The following ARB2A variants were observed in gnomAD, a reference collection of about 807,000 sequenced individuals.
ARB2A encodes the protein cotranscriptional regulator ARB2A.
the ARB2A span, among the ~76,000 whole-genome samples, chr5:93,874,623 C>T: frequency 6.6e-6 from 1 of 152,118 alleles, no homozygotes; most frequent in Admixed American, 6.5e-5. Flanking sequence ...GTGAGTCATT[C>T]TAGCAAGTTA....
the ARB2A span, chr5:94,053,149 C>A: frequency 6.3e-7 from 1 of 1,593,352 alleles, no homozygotes; most frequent in Non-Finnish European, 8.6e-7. Flanking sequence ...ATATTCAAAT[C>A]CTTCCAGGGT....
At chr5:93,927,537 GCT>G in the ARB2A span, among the ~76,000 whole-genome samples, 2 of 152,110 alleles carry the variant, frequency 1.3e-5, no homozygotes, top group Non-Finnish European at 2.9e-5. Flanking sequence ...TATAGGTCTT[GCT>G]CTCTGTGGAG....
At chr5:94,016,481 T>C in the ARB2A span, among the ~76,000 whole-genome samples, 1 of 152,216 alleles carries the variant, frequency 6.6e-6, no homozygotes, top group South Asian at 2.1e-4. Flanking sequence ...GTGATGGGTG[T>C]TTAGTCTCAT....
chr5:93,682,799 A>C, the ARB2A span: 5 of 1,093,734 alleles, frequency 4.6e-6, no homozygotes, highest in East Asian at 2.4e-5. Context: ...AAATGAAATA[A>C]GACGGAAAAT....
At chr5:93,649,137 TTTA>T in the ARB2A span, among the ~76,000 whole-genome samples, 7 of 152,260 alleles carry the variant, frequency 4.6e-5, no homozygotes, top group Non-Finnish European at 7.4e-5. Context: ...AAACATTCAT[TTTA>T]TTATTATTTT....
chr5:94,029,096 AT>A, the ARB2A span, among the ~76,000 whole-genome samples: 1 of 152,018 alleles, frequency 6.6e-6, no homozygotes, highest in Non-Finnish European at 1.5e-5. Flanking sequence ...GAATCAAGCG[AT>A]TTTCCCACCT....
chr5:93,935,321 A>G, the ARB2A span, among the ~76,000 whole-genome samples: 5 of 152,206 alleles, frequency 3.3e-5, no homozygotes, highest in Admixed American at 3.3e-4. Flanking sequence ...GGAGCAGGAA[A>G]AGCTTCCTTG....
the ARB2A span, among the ~76,000 whole-genome samples, chr5:93,726,766 C>T: frequency 0.023 from 3,460 of 152,076 alleles, 79 homozygotes; most frequent in Non-Finnish European, 0.03. Context: ...TTATATTCAG[C>T]TTCTTTTTCA....
chr5:94,038,913 A>C, the ARB2A span, among the ~76,000 whole-genome samples: 2 of 152,074 alleles, frequency 1.3e-5, no homozygotes, highest in Non-Finnish European at 2.9e-5. Flanking sequence ...CTATTTATTA[A>C]GGCAGACTTT....
At chr5:93,858,870 A>T in the ARB2A span, among the ~76,000 whole-genome samples, 1 of 152,210 alleles carries the variant, frequency 6.6e-6, no homozygotes, top group East Asian at 1.9e-4. Context: ...GGGAAAGAAG[A>T]GGAAAAAGAG....
chr5:93,926,195 T>C, the ARB2A span, among the ~76,000 whole-genome samples: 1 of 152,016 alleles, frequency 6.6e-6, no homozygotes, highest in African/African-American at 2.4e-5. Context: ...AATGGCGCGA[T>C]CTCGGCTCAC....
chr5:93,629,865 T>G, the ARB2A span, among the ~76,000 whole-genome samples: 1 of 152,120 alleles, frequency 6.6e-6, no homozygotes, highest in Non-Finnish European at 1.5e-5. Context: ...AAAAGGAGTA[T>G]GGGCAATTAG....
the ARB2A span, among the ~76,000 whole-genome samples, chr5:94,013,173 G>GTTTT: frequency 1.5e-3 from 172 of 112,444 alleles, no homozygotes; most frequent in Non-Finnish European, 1.7e-3. Flanking sequence ...TCAGTAAGTT[G>GTTTT]TTTTTTTTTT....
At chr5:93,844,497 G>T in the ARB2A span, among the ~76,000 whole-genome samples, 1 of 152,006 alleles carries the variant, frequency 6.6e-6, no homozygotes, top group East Asian at 1.9e-4. Flanking sequence ...TCTATACCCA[G>T]CCAAAATATC....
the ARB2A span, among the ~76,000 whole-genome samples, chr5:94,008,600 T>C: frequency 6.6e-6 from 1 of 152,242 alleles, no homozygotes; most frequent in East Asian, 1.9e-4. Context: ...GATTTTAAAA[T>C]TTTCTATCAC....
At chr5:93,638,408 T>C in the ARB2A span, among the ~76,000 whole-genome samples, 1 of 152,252 alleles carries the variant, frequency 6.6e-6, no homozygotes, top group Admixed American at 6.5e-5. Context: ...CTTTATTATG[T>C]TGACTGATCA....
At chr5:94,110,721 C>T in the ARB2A span, among the ~76,000 whole-genome samples, 4 of 152,146 alleles carry the variant, frequency 2.6e-5, no homozygotes, top group Non-Finnish European at 5.9e-5. Flanking sequence ...CAAACGATGT[C>T]ATGTACTACA....
the ARB2A span, among the ~76,000 whole-genome samples, chr5:93,759,083 T>C: frequency 2.0e-5 from 3 of 151,978 alleles, no homozygotes; most frequent in Non-Finnish European, 4.4e-5. Context: ...CTGACACCAC[T>C]GAAATACAAA....
chr5:94,022,234 G>A, the ARB2A span, among the ~76,000 whole-genome samples: 2 of 152,094 alleles, frequency 1.3e-5, no homozygotes, highest in South Asian at 2.1e-4. Flanking sequence ...CAGAATCAAA[G>A]GATGATTGAA....
Sources: gnomAD v4.1 joint callset for allele counts (sites outside exome capture counted in the v4.1 genomes callset) on GRCh38, gnomAD v4.1.1 for gene constraint, MANE v1.5 for transcripts, NCBI Gene and HGNC (gene_info 2026-07-23, HGNC 2026-07-21) for gene names.